FER1L6: variants seen among roughly 807,000 people sequenced by gnomAD.
The protein encoded by FER1L6 is fer-1-like protein 6.
Under a neutral mutation model 219.2 loss-of-function variants are expected in FER1L6, and 177 were observed. The ratio of observed to expected loss-of-function variants is 0.81; its 90% CI spans 0.71 to 0.91. FER1L6 has a LOEUF of 0.91. FER1L6 is among the 40% of genes least tolerant of loss of function. FER1L6 has a pLI of 0.00. For synonymous variants in FER1L6, 768 were observed against 824.3 expected (o/e 0.93, Z 1.17); for missense variants, 2,153 against 2,259.9 (o/e 0.95, Z 0.96).
intron 22 of FER1L6, among the ~76,000 whole-genome samples, chr8:124,050,686 G>A (rs1346082700): frequency 6.6e-6 from 1 of 152,070 alleles, no homozygotes; most frequent in Non-Finnish European, 1.5e-5. Flanking sequence ...AGGCTGGGAA[G>A]TCCAAGATCA....
At chr8:123,952,994 C>G (rs1357116656) in intron 1 of FER1L6, among the ~76,000 whole-genome samples, 2 of 152,186 alleles carry the variant, frequency 1.3e-5, no homozygotes, top group Non-Finnish European at 2.9e-5. Flanking sequence ...TATCCAACCC[C>G]AAATTCTAGA....
intron 33 of FER1L6, among the ~76,000 whole-genome samples, chr8:124,084,659 T>C (rs1339997478): frequency 6.6e-6 from 1 of 152,092 alleles, no homozygotes; most frequent in East Asian, 1.9e-4. Context: ...TTGAATTTGG[T>C]TTGCTAGTAT....
chr8:123,868,001 A>G (rs191908019), intron 1 of FER1L6, among the ~76,000 whole-genome samples: 42 of 152,248 alleles, frequency 2.8e-4, no homozygotes, highest in East Asian at 5.8e-4. Context: ...TTTTTTGCCC[A>G]TTTTTATGCC....
chr8:124,008,306 A>G (rs1291008248), intron 13 of FER1L6, among the ~76,000 whole-genome samples: 1 of 152,208 alleles, frequency 6.6e-6, no homozygotes, highest in Non-Finnish European at 1.5e-5. Context: ...GTATCCCATC[A>G]TATATACGCA....
chr8:124,119,418 A>G (rs1188325330), intron 40 of FER1L6, among the ~76,000 whole-genome samples, 189 bp from the exon 41 acceptor site: 3 of 152,116 alleles, frequency 2.0e-5, no homozygotes, highest in African/African-American at 7.2e-5. Context: ...ACCTTTAACC[A>G]TGATACAGGA....
intron 1 of FER1L6, among the ~76,000 whole-genome samples, chr8:123,926,476 A>G (rs1359636394): frequency 1.3e-5 from 2 of 152,174 alleles, no homozygotes; most frequent in Non-Finnish European, 2.9e-5. Flanking sequence ...GGAGTTCGTC[A>G]CCGGGAAGGC....
At chr8:124,037,556 G>T (rs899681973) in intron 19 of FER1L6, among the ~76,000 whole-genome samples, 6 of 152,294 alleles carry the variant, frequency 3.9e-5, no homozygotes, top group African/African-American at 1.4e-4. Flanking sequence ...TGCCTTGACA[G>T]AATGTGGAGA....
intron 1 of FER1L6, among the ~76,000 whole-genome samples, chr8:123,934,348 T>C (rs1295191531): frequency 6.6e-6 from 1 of 152,210 alleles, no homozygotes; most frequent in Non-Finnish European, 1.5e-5. Flanking sequence ...ACAAGGATCA[T>C]GTGTTGCATT....
intron 1 of FER1L6, among the ~76,000 whole-genome samples, chr8:123,879,948 G>C (rs1443735953): frequency 6.6e-6 from 1 of 152,130 alleles, no homozygotes; most frequent in Non-Finnish European, 1.5e-5. Context: ...ACTTCTGATG[G>C]TGCTGTCCCC....
chr8:123,869,442 A>C (rs926401578), intron 1 of FER1L6, among the ~76,000 whole-genome samples: 2 of 152,186 alleles, frequency 1.3e-5, no homozygotes, highest in African/African-American at 4.8e-5. Flanking sequence ...AGCTGAGCTC[A>C]TAATTTCTAC....
intron 22 of FER1L6, among the ~76,000 whole-genome samples, chr8:124,051,147 C>T (rs770045134): frequency 3.3e-5 from 5 of 152,022 alleles, no homozygotes; most frequent in African/African-American, 7.2e-5. Flanking sequence ...GAGAGATAAC[C>T]TCTCCCTCTC....
At chr8:124,086,691 C>T (rs931517631) in intron 33 of FER1L6, among the ~76,000 whole-genome samples, 1 of 152,070 alleles carries the variant, frequency 6.6e-6, no homozygotes, top group African/African-American at 2.4e-5. Flanking sequence ...GAGCTTCCCA[C>T]CTTCATATAA....
At chr8:123,898,772 T>TAC (rs1812801669) in intron 1 of FER1L6, among the ~76,000 whole-genome samples, 2 of 102,124 alleles carry the variant, frequency 2.0e-5, no homozygotes, top group East Asian at 4.7e-4. Flanking sequence ...TATATATGTG[T>TAC]ATATATACGT....
At chr8:123,900,095 A>G (rs1402589418) in intron 1 of FER1L6, among the ~76,000 whole-genome samples, 1 of 152,044 alleles carries the variant, frequency 6.6e-6, no homozygotes, top group Non-Finnish European at 1.5e-5. Flanking sequence ...TAGTATGGTC[A>G]TTTTCACAAT....
At chr8:124,003,467 T>TC in intron 13 of FER1L6, 120 bp downstream of exon 13, 7 of 734,818 alleles carry the variant, frequency 9.5e-6, no homozygotes, top group Non-Finnish European at 1.3e-5. Context: ...TTTTTTTTTT[T>TC]TTTTTTTTTT....
intron 33 of FER1L6, among the ~76,000 whole-genome samples, chr8:124,086,846 T>C (rs1018847991): frequency 6.6e-6 from 1 of 152,216 alleles, no homozygotes. Context: ...AAAGAATACT[T>C]TTCCTAGATA....
chr8:124,044,006 T>C (rs1819616430), intron 20 of FER1L6, among the ~76,000 whole-genome samples: 1 of 152,258 alleles, frequency 6.6e-6, no homozygotes, highest in Non-Finnish European at 1.5e-5. Flanking sequence ...GAATCCTATA[T>C]TTATATAATG....
At chr8:124,067,709 G>C in intron 27 of FER1L6, 58 bp from the exon 28 acceptor site, 2 of 1,411,148 alleles carry the variant, frequency 1.4e-6, no homozygotes, top group Non-Finnish European at 2.0e-6. Context: ...ATAATTGTTA[G>C]CAGTCAATTA....
intron 22 of FER1L6, among the ~76,000 whole-genome samples, chr8:124,053,053 C>T (rs531351534): frequency 1.3e-5 from 2 of 152,304 alleles, no homozygotes; most frequent in Admixed American, 6.5e-5. Context: ...CCATTTTGCA[C>T]GTGAGAAAGC....
Sources: gnomAD v4.1 joint callset for allele counts (sites outside exome capture counted in the v4.1 genomes callset) on GRCh38, gnomAD v4.1.1 for gene constraint, MANE v1.5 for transcripts, NCBI Gene and HGNC (gene_info 2026-07-23, HGNC 2026-07-21) for gene names.